Variants in VWC2L observed in about 807,000 individuals in gnomAD.
VWC2L encodes von Willebrand factor C domain-containing protein 2-like.
Under a neutral mutation model 21.6 loss-of-function variants are expected in VWC2L, and 10 were observed. That is an observed-to-expected ratio of 0.46 (90% CI 0.29 to 0.78). The LOEUF (loss-of-function observed/expected upper bound fraction) is 0.78. Among genes scored for constraint, VWC2L ranks in the 30% least tolerant of loss-of-function variants. VWC2L has a pLI of 0.10. For synonymous variants in VWC2L, 96 were observed against 94.3 expected, an observed-to-expected ratio of 1.02 and a Z score of -0.10; for missense variants, 209 against 277.1, an observed-to-expected ratio of 0.75 and a Z score of 1.74.
At chr2:214,538,583 TTATAG>T (rs1386581052) in intron 3 of VWC2L, among the ~76,000 whole-genome samples, 11 of 121,996 alleles carry the variant, frequency 9.0e-5, no homozygotes, top group African/African-American at 3.3e-4. Flanking sequence ...TTCTCCAAGT[TTATAG>T]TATAATTTTT....
At chr2:214,420,807 C>A (rs1032873891) in intron 2 of VWC2L, among the ~76,000 whole-genome samples, 19 of 152,086 alleles carry the variant, frequency 1.2e-4, no homozygotes, top group African/African-American at 4.3e-4. Context: ...AAGATTAATT[C>A]CATAATTATT....
intron 3 of VWC2L, among the ~76,000 whole-genome samples, chr2:214,481,543 G>A (rs1333526353): frequency 1.3e-5 from 2 of 152,120 alleles, no homozygotes; most frequent in Non-Finnish European, 2.9e-5. Context: ...TCAACCCCCA[G>A]AACTATGAGA....
At chr2:214,447,006 C>T (rs961646975) in intron 3 of VWC2L, among the ~76,000 whole-genome samples, 2 of 152,038 alleles carry the variant, frequency 1.3e-5, no homozygotes, top group African/African-American at 2.4e-5. Flanking sequence ...TCTTCATTTA[C>T]GGTTTTTATA....
At chr2:214,474,863 T>C (rs890168718) in intron 3 of VWC2L, among the ~76,000 whole-genome samples, 1 of 152,194 alleles carries the variant, frequency 6.6e-6, no homozygotes, top group Non-Finnish European at 1.5e-5. Context: ...GGAAGGGTTT[T>C]TGATGCTAGG....
At chr2:214,499,185 A>T (rs2126205040) in intron 3 of VWC2L, among the ~76,000 whole-genome samples, 1 of 151,334 alleles carries the variant, frequency 6.6e-6, no homozygotes, top group Non-Finnish European at 1.5e-5. Context: ...TGCCCAGCTA[A>T]TTTTTGTATT....
chr2:214,560,753 C>T (rs1689954018), intron 3 of VWC2L, among the ~76,000 whole-genome samples: 1 of 152,132 alleles, frequency 6.6e-6, no homozygotes, highest in South Asian at 2.1e-4. Context: ...CAAAATGGTT[C>T]CGAATGCCAA....
chr2:214,547,421 A>C (rs1235260683), intron 3 of VWC2L, among the ~76,000 whole-genome samples: 1 of 152,172 alleles, frequency 6.6e-6, no homozygotes, highest in Non-Finnish European at 1.5e-5. Flanking sequence ...AATTCAGTGC[A>C]AGGTAAAATT....
intron 3 of VWC2L, among the ~76,000 whole-genome samples, chr2:214,470,183 A>G (rs1228977032): frequency 6.6e-6 from 1 of 152,098 alleles, no homozygotes; most frequent in Non-Finnish European, 1.5e-5. Flanking sequence ...AAAGCTGAAA[A>G]GGATCTTGGA....
chr2:214,534,212 T>C (rs1457355474), intron 3 of VWC2L: 4 of 152,554 alleles, frequency 2.6e-5, no homozygotes, highest in African/African-American at 9.7e-5. Flanking sequence ...CATCACTCAC[T>C]GTACCAGAAG....
intron 3 of VWC2L, among the ~76,000 whole-genome samples, chr2:214,457,914 A>G (rs894487234): frequency 2.6e-5 from 4 of 152,030 alleles, no homozygotes; most frequent in African/African-American, 9.7e-5. Context: ...AGGGATATTG[A>G]CCTGTAGTTT....
intron 3 of VWC2L, among the ~76,000 whole-genome samples, chr2:214,558,081 T>G (rs1422570549): frequency 6.6e-6 from 1 of 152,234 alleles, no homozygotes; most frequent in African/African-American, 2.4e-5. Flanking sequence ...TGTCTCTGCC[T>G]TATCTCCACG....
chr2:214,433,825 GAA>G (rs1485907781), intron 2 of VWC2L, among the ~76,000 whole-genome samples: 1 of 152,142 alleles, frequency 6.6e-6, no homozygotes, highest in Non-Finnish European at 1.5e-5. Flanking sequence ...ATGATGAAAG[GAA>G]AGAGGCTTGG....
chr2:214,436,842 C>A, intron 3 of VWC2L, 84 bp downstream of exon 3: 1 of 1,510,450 alleles, frequency 6.6e-7, no homozygotes, highest in Non-Finnish European at 9.1e-7. Context: ...CAATGCAAGA[C>A]CCCTCTAAGA....
intron 2 of VWC2L, among the ~76,000 whole-genome samples, chr2:214,433,288 G>A (rs945323517): frequency 6.6e-6 from 1 of 151,332 alleles, no homozygotes; most frequent in Non-Finnish European, 1.5e-5. Context: ...TTTCTAAGGA[G>A]TGCACAGAAA....
At chr2:214,497,032 A>G (rs1202695426) in intron 3 of VWC2L, among the ~76,000 whole-genome samples, 1 of 152,192 alleles carries the variant, frequency 6.6e-6, no homozygotes, top group African/African-American at 2.4e-5. Flanking sequence ...GTTCTGTTCC[A>G]TCGTTAAGGT....
At chr2:214,552,192 C>T (rs1689805463) in intron 3 of VWC2L, among the ~76,000 whole-genome samples, 1 of 152,196 alleles carries the variant, frequency 6.6e-6, no homozygotes, top group South Asian at 2.1e-4. Context: ...TGCAACCTTT[C>T]CTCACTACTG....
intron 3 of VWC2L, among the ~76,000 whole-genome samples, chr2:214,439,928 C>G (rs1449284483): frequency 6.6e-6 from 1 of 151,758 alleles, no homozygotes; most frequent in South Asian, 2.1e-4. Context: ...TTATAAAGTG[C>G]AGGGTAATCT....
intron 3 of VWC2L, among the ~76,000 whole-genome samples, chr2:214,462,577 T>C (rs1019441269): frequency 1.3e-5 from 2 of 152,234 alleles, no homozygotes; most frequent in Non-Finnish European, 2.9e-5. Context: ...TTTTCTCATG[T>C]ATATTTCTTT....
In VWC2L at chr2:214,526,503, T is replaced by A. The variant is rs932213090; in HGVS notation, c.521-49169T>A. Among the ~76,000 whole-genome samples the A allele has an allele frequency of 3.9e-5, 6 of 152,234 alleles. 1 individual carries two copies. Among genetic ancestry groups the A allele is most frequent in the Admixed American group, 2.0e-4 (3 of 15,268 alleles). Reference sequence around the variant, plus strand: ...ATTTAAGAGTAAAACCACAGCCTGCTATAAAGAAAGCCATCATCACCTATA... The same window carrying A: ...ATTTAAGAGTAAAACCACAGCCTGCAATAAAGAAAGCCATCATCACCTATA... On this transcript the variant is annotated intron_variant, in intron 3 of 3. Transcript: ENST00000312504.
Sources: allele counts gnomAD v4.1 joint callset (sites outside exome capture counted in the v4.1 genomes callset), GRCh38; gene constraint gnomAD v4.1.1; transcripts MANE v1.5; gene names NCBI Gene and HGNC (gene_info 2026-07-23, HGNC 2026-07-21).